The following CAP2 variants were observed in gnomAD, a reference collection of about 807,000 sequenced individuals.
CAP2 encodes adenylyl cyclase-associated protein 2.
In CAP2, 24 loss-of-function variants were observed where a neutral mutation model predicts 57.7. The observed-to-expected ratio is 0.42, with a 90% confidence interval of 0.30 to 0.58. The LOEUF (loss-of-function observed/expected upper bound fraction) is 0.58, where lower values mean the gene tolerates loss of function less well. Among genes scored for constraint, CAP2 ranks in the 20% least tolerant of loss-of-function variants. The pLI is 0.22. For synonymous variants in CAP2, 194 were observed against 207.2 expected (o/e 0.94, Z 0.55); for missense variants, 501 against 590.3 (o/e 0.85, Z 1.57).
At chr6:17,413,518 C>A (rs1240915081) in intron 1 of CAP2, among the ~76,000 whole-genome samples, 4 of 152,064 alleles carry the variant, frequency 2.6e-5, no homozygotes, top group Non-Finnish European at 5.9e-5. Flanking sequence ...TTTTAATCAG[C>A]CTTAGTTTTC....
rs1463986979 is a variant in CAP2 at position 17,507,687 on chromosome 6, C to T, written c.491C>T (p.Thr164Ile). The T allele has an allele frequency of 1.9e-6, 3 of 1,611,418 alleles. No homozygotes were observed. Among genetic ancestry groups the T allele is most frequent in the South Asian group, 2.2e-5 (2 of 90,992 alleles). Residue 164 changes from threonine (T) to isoleucine (I), a missense_variant, in exon 6 of 13, where the codon ACC (threonine) becomes ATC (isoleucine). By Grantham distance (89) the Thr-to-Ile change is moderately conservative (BLOSUM62 -1). Transcript: ENST00000229922. ...PYVKEMNDAA[T>I]FYTNRVLKDY... Reference sequence around the variant, plus strand: ...GTCAAGGAGATGAATGACGCTGCCACCTTTTACACTAACAGGGTCTTAAAG... The same window carrying T: ...GTCAAGGAGATGAATGACGCTGCCATCTTTTACACTAACAGGGTCTTAAAG...
chr6:17,508,529 C>G (rs530612878), intron 6 of CAP2, among the ~76,000 whole-genome samples: 2 of 152,106 alleles, frequency 1.3e-5, no homozygotes, highest in Non-Finnish European at 2.9e-5. Context: ...TGCCTAGGAA[C>G]TAAGGGAAGG....
chr6:17,529,651 A>AAAAAAATATAT (rs10656588), intron 7 of CAP2, among the ~76,000 whole-genome samples: 185 of 134,518 alleles, frequency 1.4e-3, no homozygotes, highest in Middle Eastern at 3.7e-3. Context: ...AAAAAAAAAA[A>AAAAAAATATAT]ATATATATAT....
At chr6:17,458,773 AAC>A in intron 3 of CAP2, among the ~76,000 whole-genome samples, 1 of 152,220 alleles carries the variant, frequency 6.6e-6, no homozygotes, top group East Asian at 1.9e-4. Context: ...ACTGCCCATA[AAC>A]AGATGTGGAG....
intron 2 of CAP2, among the ~76,000 whole-genome samples, chr6:17,422,114 A>G (rs1415796643): frequency 2.0e-5 from 3 of 152,216 alleles, no homozygotes; most frequent in African/African-American, 4.8e-5. Flanking sequence ...CCCGCACTCA[A>G]TGACTAAATA....
intron 1 of CAP2, among the ~76,000 whole-genome samples, chr6:17,410,184 A>C (rs1426621007): frequency 6.6e-6 from 1 of 152,126 alleles, no homozygotes; most frequent in Non-Finnish European, 1.5e-5. Context: ...GCTCAGTTGC[A>C]TGTCTACCTT....
intron 7 of CAP2, among the ~76,000 whole-genome samples, chr6:17,525,134 C>T (rs1405437489): frequency 6.6e-6 from 1 of 151,918 alleles, no homozygotes; most frequent in Non-Finnish European, 1.5e-5. Flanking sequence ...AAATCCTAAC[C>T]TCAGGTGATC....
At chr6:17,515,823 T>G (rs539869666) in intron 7 of CAP2, among the ~76,000 whole-genome samples, 33 of 152,284 alleles carry the variant, frequency 2.2e-4, no homozygotes, top group Admixed American at 1.8e-3. Context: ...CCCACTTTAA[T>G]TCCCATGTGA....
intron 4 of CAP2, among the ~76,000 whole-genome samples, chr6:17,480,950 G>GT (rs1761273637): frequency 4.9e-5 from 3 of 60,970 alleles, no homozygotes; most frequent in African/African-American, 1.3e-4. Flanking sequence ...GGCTAATTTT[G>GT]TATTTTTTTT....
chr6:17,509,893 AG>A (rs1762101967), intron 6 of CAP2, among the ~76,000 whole-genome samples: 2 of 152,198 alleles, frequency 1.3e-5, no homozygotes, highest in Admixed American at 6.5e-5. Flanking sequence ...ATAAAAAAAA[AG>A]AATGAAGTAT....
chr6:17,533,417 A>T (rs1026293667), intron 7 of CAP2, among the ~76,000 whole-genome samples: 7 of 152,106 alleles, frequency 4.6e-5, no homozygotes, highest in African/African-American at 1.7e-4. Context: ...GTGCCAATTT[A>T]AAAAAAGTAT....
chr6:17,429,502 G>A (rs1209992995), intron 3 of CAP2, among the ~76,000 whole-genome samples: 2 of 152,136 alleles, frequency 1.3e-5, no homozygotes, highest in African/African-American at 4.8e-5. Context: ...AAATTGCACA[G>A]TAAACAGTCC....
At chr6:17,490,091 A>T (rs1274179263) in intron 4 of CAP2, among the ~76,000 whole-genome samples, 2 of 152,204 alleles carry the variant, frequency 1.3e-5, no homozygotes, top group East Asian at 3.8e-4. Flanking sequence ...ACCTAATTTC[A>T]TTCCATAGTC....
Position 17,488,414 on chromosome 6 carries a change from A to T in CAP2, c.301-18755A>T, listed in dbSNP as rs367869317. Among the ~76,000 whole-genome samples the T allele has an allele frequency of 2.6e-5, 4 of 152,306 alleles. No homozygotes were observed. The East Asian group carries it at 5.8e-4, about 22-fold the overall frequency. ...AGACCAGCAGCCTCACAAGCCCTCG[A>T]TGGCTTGGTCCCACAGCCCCACTGT... On this transcript the variant is annotated intron_variant, in intron 4 of 12. Coordinates refer to ENST00000229922, the MANE Select transcript of CAP2 (RefSeq NM_006366.3).
chr6:17,500,972 A>G (rs1761807921), intron 4 of CAP2, among the ~76,000 whole-genome samples: 1 of 152,210 alleles, frequency 6.6e-6, no homozygotes, highest in Non-Finnish European at 1.5e-5. Flanking sequence ...ACTGCTTGAT[A>G]TGAGCTTTCT....
At chr6:17,544,696 G>A (rs114411964) in intron 11 of CAP2, among the ~76,000 whole-genome samples, 2,540 of 152,182 alleles carry the variant, frequency 0.017, 71 homozygotes, top group African/African-American at 0.059. Context: ...GGGATTACAG[G>A]TGACCACCAC....
intron 1 of CAP2, among the ~76,000 whole-genome samples, chr6:17,414,482 C>T (rs1267283833): frequency 1.3e-5 from 2 of 152,050 alleles, no homozygotes; most frequent in Non-Finnish European, 2.9e-5. Flanking sequence ...TCAGCCCCTA[C>T]CTATGAGTGA....
At chr6:17,533,078 C>CAAAAAAAAA (rs58337644) in intron 7 of CAP2, among the ~76,000 whole-genome samples, 31 of 87,534 alleles carry the variant, frequency 3.5e-4, no homozygotes, top group African/African-American at 6.9e-4. Context: ...CACCCCCCAC[C>CAAAAAAAAA]AAAAAAAAAA....
chr6:17,489,200 A>G (rs1308550891), intron 4 of CAP2, among the ~76,000 whole-genome samples: 3 of 152,168 alleles, frequency 2.0e-5, no homozygotes, highest in South Asian at 2.1e-4. Context: ...TTGGGAGGCT[A>G]AGGCGGGCAC....
Sources: gnomAD v4.1 joint callset for allele counts (sites outside exome capture counted in the v4.1 genomes callset) on GRCh38, gnomAD v4.1.1 for gene constraint, MANE v1.5 for transcripts, NCBI Gene and HGNC (gene_info 2026-07-23, HGNC 2026-07-21) for gene names.